Variants in INVS observed in about 807,000 individuals in gnomAD.
INVS encodes inversin, also known as inversion of embryo turning homolog.
A neutral mutation model predicts 108.8 loss-of-function variants in INVS; 86 were observed. That is an observed-to-expected ratio of 0.79 (90% CI 0.66 to 0.95). The LOEUF (loss-of-function observed/expected upper bound fraction) is 0.95. INVS is among the 40% of genes least tolerant of loss of function. INVS has a pLI of 0.00. For missense variants in INVS, 1,169 were observed against 1,297.4 expected (o/e 0.90, Z 1.52); for synonymous variants, 455 against 473.5 (o/e 0.96, Z 0.51).
Position 100,226,293 on chromosome 9 carries a change from T to A in INVS, c.447+58T>A, listed in dbSNP as rs1588103412. 10 of 1,480,968 alleles carry A rather than the reference T, an allele frequency of 6.8e-6. No individual in the cohort carries two copies. In the East Asian group the frequency reaches 2.3e-4, roughly 34 times the overall value. 91.7% of individuals were successfully genotyped at this position (1,480,968 alleles called of 1,614,324 possible). On this transcript the variant is annotated intron_variant, in intron 4 of 16. Transcript: ENST00000262457. ...ACCAGAAAGCAAATGCTTCCTTTTA[T>A]GATGTGAAATTTCAAGGAAGAAGGC...
At chr9:100,257,108 A>G (rs1226940669) in intron 10 of INVS, among the ~76,000 whole-genome samples, 3 of 152,160 alleles carry the variant, frequency 2.0e-5, no homozygotes, top group Admixed American at 6.5e-5. Flanking sequence ...TTGGGTGCAT[A>G]TATATTTAGG....
At chr9:100,145,700 G>C (rs1828584683) in intron 3 of INVS, among the ~76,000 whole-genome samples, 1 of 152,088 alleles carries the variant, frequency 6.6e-6, no homozygotes, top group Non-Finnish European at 1.5e-5. Flanking sequence ...GTCCCCGTGT[G>C]GTCAGACACC....
At chr9:100,129,708 A>G (rs1464667907) in intron 3 of INVS, 1 of 713,372 alleles carries the variant, frequency 1.4e-6, no homozygotes, top group Admixed American at 2.0e-5. Flanking sequence ...GCAGGATCTA[A>G]GAGACTACAA....
intron 12 of INVS, among the ~76,000 whole-genome samples, chr9:100,273,785 A>T (rs1588138885): frequency 6.6e-6 from 1 of 151,164 alleles, no homozygotes; most frequent in Non-Finnish European, 1.5e-5. Context: ...TGATCCACCC[A>T]CCTCATCCTC....
intron 2 of INVS, chr9:100,117,092 G>A: frequency 8.5e-7 from 1 of 1,180,078 alleles, no homozygotes; most frequent in East Asian, 2.5e-5. Context: ...CACCTTGCAA[G>A]GGACGGTGTG....
intron 3 of INVS, among the ~76,000 whole-genome samples, chr9:100,203,117 C>G (rs753638626): frequency 3.9e-5 from 6 of 152,198 alleles, no homozygotes; most frequent in African/African-American, 1.4e-4. Flanking sequence ...GTCCAACATA[C>G]ATTTGATGTT....
chr9:100,102,421 C>A (rs191523504), intron 1 of INVS: 3 of 152,098 alleles, frequency 2.0e-5, no homozygotes, highest in Admixed American at 6.5e-5. Flanking sequence ...TTTAGTGATA[C>A]GATGTTCCAA....
chr9:100,225,032 T>C (rs1831268328), intron 3 of INVS, among the ~76,000 whole-genome samples: 1 of 151,930 alleles, frequency 6.6e-6, no homozygotes. Context: ...AGGTGACCGT[T>C]TGAGTCTGGG....
In INVS at chr9:100,242,512, T is replaced by C. The variant is rs1831909304; in HGVS notation, c.797-58T>C. ...TTCTTATCTTTTTCATTTAAATAGA[T>C]TATAAATTAATTAACATCCTTTATA... On this transcript the variant is annotated intron_variant, in intron 6 of 16. Coordinates refer to ENST00000262457, the MANE Select transcript of INVS (RefSeq NM_014425.5). 3.2e-6 allele frequency: 3 copies of C among 952,300 alleles called. No homozygotes were observed. The Admixed American group carries it at 5.1e-5, about 16-fold the overall frequency. The allele number at this position is 952,300 out of a possible 1,614,324, so 59.0% of individuals were successfully genotyped here.
At chr9:100,172,078 T>G (rs1176714033) in intron 3 of INVS, among the ~76,000 whole-genome samples, 2 of 151,888 alleles carry the variant, frequency 1.3e-5, no homozygotes, top group African/African-American at 4.8e-5. Flanking sequence ...CTGACTTAGA[T>G]CACAAAATGA....
chr9:100,210,925 G>C (rs971274040), intron 3 of INVS, among the ~76,000 whole-genome samples: 4 of 151,802 alleles, frequency 2.6e-5, no homozygotes, highest in African/African-American at 9.7e-5. Flanking sequence ...AGCTCCTAAG[G>C]ATTGAGAACT....
chr9:100,144,445 G>T (rs1388525247), intron 3 of INVS, among the ~76,000 whole-genome samples: 2 of 152,136 alleles, frequency 1.3e-5, no homozygotes, highest in African/African-American at 4.8e-5. Context: ...AGGGTCTAGG[G>T]CTGTAAAGCG....
At chr9:100,278,721 A>C (rs147850768) in intron 12 of INVS, among the ~76,000 whole-genome samples, 1 of 152,302 alleles carries the variant, frequency 6.6e-6, no homozygotes, top group Non-Finnish European at 1.5e-5. Context: ...GGTTTCTTTC[A>C]GTTCTTATAC....
At chr9:100,154,982 G>T (rs1047533857) in intron 3 of INVS, among the ~76,000 whole-genome samples, 2 of 152,148 alleles carry the variant, frequency 1.3e-5, no homozygotes, top group Non-Finnish European at 2.9e-5. Context: ...GGAGGTCAAG[G>T]TGGGCGGATC....
intron 2 of INVS, among the ~76,000 whole-genome samples, chr9:100,122,089 T>C (rs2118880409): frequency 6.6e-6 from 1 of 152,338 alleles, no homozygotes; most frequent in East Asian, 1.9e-4. Flanking sequence ...CATGACCCAG[T>C]ATATTGTATA....
At chr9:100,208,003 G>T (rs1830725801) in intron 3 of INVS, among the ~76,000 whole-genome samples, 1 of 152,136 alleles carries the variant, frequency 6.6e-6, no homozygotes, top group Non-Finnish European at 1.5e-5. Flanking sequence ...TAACAAACAG[G>T]ACATCTACCC....
chr9:100,259,252 C>T (rs2806689), intron 10 of INVS, among the ~76,000 whole-genome samples: 79,370 of 151,962 alleles, frequency 0.52, 21,654 homozygotes, highest in African/African-American at 0.57. Flanking sequence ...GGTGTGCCGT[C>T]TGCTAAAACC....
chr9:100,292,701 G>C lies in INVS; in HGVS notation c.2444G>C (p.Arg815Pro), dbSNP rs200477298. 1.2e-6 allele frequency: 2 copies of C among 1,612,584 alleles called. No individual in the cohort carries two copies. The highest frequency in any genetic ancestry group is 2.2e-5 in the East Asian group (1 of 44,874). The change falls in exon 14 of 17, where the codon CGG (arginine) becomes CCG (proline). Residue 815 changes from arginine (R) to proline (P), a missense_variant. Transcript: ENST00000262457. ...GGTTCTAGCCGCCCTGGCAGTGCCC[G>C]GGGGGAGGCGGTCCATGCTGGGCAG... Reference protein sequence around the residue: ...PAGSSRPGSARGEAVHAGQNP... With the variant: ...PAGSSRPGSAPGEAVHAGQNP...
chr9:100,300,051 G>A (rs1267379623), intron 16 of INVS, among the ~76,000 whole-genome samples: 1 of 152,126 alleles, frequency 6.6e-6, no homozygotes, highest in South Asian at 2.1e-4. Context: ...AGTATCATTT[G>A]TCAAAGTATA....
Sources: allele counts gnomAD v4.1 joint callset (sites outside exome capture counted in the v4.1 genomes callset), GRCh38; gene constraint gnomAD v4.1.1; transcripts MANE v1.5; gene names NCBI Gene and HGNC (gene_info 2026-07-23, HGNC 2026-07-21).